RNF43: variants seen among roughly 807,000 people sequenced by gnomAD.
RNF43 encodes E3 ubiquitin-protein ligase RNF43.
RNF43 carries 37 observed loss-of-function variants against 78.4 expected under a neutral mutation model. The observed-to-expected ratio is 0.47, with a 90% CI of 0.36 to 0.62. The LOEUF is 0.62. Ranked by LOEUF, RNF43 falls within the 20% of genes least tolerant of loss-of-function variation. The pLI, the probability that RNF43 is intolerant of heterozygous loss-of-function variation, is 0.00. For synonymous variants in RNF43, 347 were observed against 395.0 expected, an observed-to-expected ratio of 0.88 and a Z score of 1.44; for missense variants, 774 against 1,007.9, an observed-to-expected ratio of 0.77 and a Z score of 3.14.
intron 3 of RNF43, among the ~76,000 whole-genome samples, chr17:58,369,115 T>C (rs1002003968): frequency 3.9e-5 from 6 of 152,110 alleles, no homozygotes; most frequent in African/African-American, 9.7e-5. Flanking sequence ...ACACTCACTA[T>C]GTAATGCAGT....
chr17:58,387,129 A>G (rs1266315891), intron 2 of RNF43, among the ~76,000 whole-genome samples: 1 of 152,118 alleles, frequency 6.6e-6, no homozygotes, highest in Non-Finnish European at 1.5e-5. Flanking sequence ...CACACTAAGC[A>G]CTCGTTAGAA....
rs1974110933 is a variant in RNF43 at position 58,415,781 on chromosome 17, T to C, written c.-204A>G. 5 of 607,922 alleles carry C rather than the reference T, an allele frequency of 8.2e-6. No homozygotes were observed. In the East Asian group the frequency reaches 1.4e-4, roughly 17 times the overall value. The allele number at this position is 607,922 out of a possible 1,614,324, so 37.7% of individuals were successfully genotyped here. A position where few individuals can be genotyped will look rare whatever the true frequency, so the allele number is the denominator to read the frequency against. On this transcript the variant is annotated 5_prime_UTR_variant, in exon 2 of 10. It adds an upstream start codon to the 5' untranslated region. Coordinates refer to ENST00000407977, the MANE Select transcript of RNF43 (RefSeq NM_017763.6). ...ATTCCTGATTGGGCAGAGAAGAGGATATTTTCAGCCCACATCTGCTGCAGG... is the reference window on the plus strand; with the variant it reads ...ATTCCTGATTGGGCAGAGAAGAGGACATTTTCAGCCCACATCTGCTGCAGG...
rs1327499684 is a variant in RNF43, at chr17:58,358,150, G to C, written c.1626C>G (p.Thr542=). The change falls in exon 9 of 10, where the codon ACC becomes ACG. Residue 542 remains threonine, a synonymous_variant. Coordinates refer to ENST00000407977, the MANE Select transcript of RNF43 (RefSeq NM_017763.6). The surrounding 1 kb of genome is among the most constrained non-coding windows in gnomAD (Gnocchi z 6.2). The stretch of plus-strand genomic sequence containing the variant: ...GGTAGTGGACATGGCTGGAAACCTG[G>C]GTTTCCCCTGTGGGCACCACCGAGT... ...SLDSVVPTGE[T]QVSSHVHYHR... The C allele has an allele frequency of 6.2e-7, 1 of 1,612,794 alleles. No homozygotes were observed. The highest frequency in any genetic ancestry group is 1.7e-5 in the Admixed American group (1 of 59,854).
intron 2 of RNF43, among the ~76,000 whole-genome samples, chr17:58,390,080 G>A (rs1973518731): frequency 6.6e-6 from 1 of 152,180 alleles, no homozygotes; most frequent in Non-Finnish European, 1.5e-5. Context: ...CTCAAGCTCT[G>A]CACTCTTTTA....
In RNF43 at chr17:58,358,737, C is replaced by T. The variant is rs780224400; in HGVS notation, c.1039G>A (p.Gly347Ser). 21 of 1,560,208 alleles carry T rather than the reference C, an allele frequency of 1.3e-5. No homozygotes were observed. In the African/African-American group the frequency reaches 2.0e-4, roughly 15 times the overall value. The change falls in exon 9 of 10, where the codon GGC (glycine) becomes AGC (serine). Residue 347 changes from glycine (G) to serine (S), a missense_variant. By Grantham distance (56) the Gly-to-Ser change is moderately conservative. Transcript: ENST00000407977. This position sits in a 1 kb window ranked among gnomAD's most constrained non-coding sequence, Gnocchi z 6.2. ...GCAGGGAGGTGGTAGTGGGCATGGC[C>T]GGGATGCTGGCGAATGAGGTGGAGT... ...RRLHLIRQHP[G>S]HAHYHLPAAY...
chr17:58,387,556 C>T (rs1973463928), intron 2 of RNF43, among the ~76,000 whole-genome samples: 1 of 151,702 alleles, frequency 6.6e-6, no homozygotes, highest in Admixed American at 6.6e-5. Context: ...GAGGCTGAGG[C>T]AGGAGAATCA....
intron 2 of RNF43, among the ~76,000 whole-genome samples, chr17:58,397,487 C>T (rs1375998505): frequency 2.0e-5 from 3 of 151,932 alleles, no homozygotes; most frequent in African/African-American, 7.3e-5. Flanking sequence ...ATGGTGAAAC[C>T]CTGTCTCTAC....
chr17:58,408,454 G>A (rs1293416991), intron 2 of RNF43, among the ~76,000 whole-genome samples: 1 of 152,126 alleles, frequency 6.6e-6, no homozygotes, highest in East Asian at 1.9e-4. Flanking sequence ...TCCTTTGGAT[G>A]CACGCTAATA....
At position 58,354,779 on chromosome 17, in the gene RNF43, CT is replaced by C; in HGVS notation, c.*163del. 4 of 683,410 alleles carry C rather than the reference CT, an allele frequency of 5.9e-6. No individual in the cohort carries two copies. Among genetic ancestry groups the C allele is most frequent in the South Asian group, 5.0e-5 (3 of 60,284 alleles). The allele number at this position is 683,410 out of a possible 1,614,324, so 42.3% of individuals were successfully genotyped here. A position where few individuals can be genotyped will look rare whatever the true frequency, so the allele number is the denominator to read the frequency against. On this transcript the variant is annotated 3_prime_UTR_variant, in exon 10 of 10. Transcript: ENST00000407977. ...GAGCTGGAGCAGGAAACGGCACCCT[CT>C]CACCCTCCACCATCACCAGTCCTCT... is the stretch of plus-strand genomic sequence containing the variant.
intron 5 of RNF43, 129 bp from the exon 6 acceptor site, chr17:58,362,777 T>C (rs762192440): frequency 9.4e-6 from 6 of 637,880 alleles, no homozygotes; most frequent in Non-Finnish European, 1.6e-5. Context: ...TCTGAGGGGA[T>C]GGAGAGGAAC....
chr17:58,401,700 A>T (rs1025235453), intron 2 of RNF43, among the ~76,000 whole-genome samples: 1 of 152,186 alleles, frequency 6.6e-6, no homozygotes, highest in African/African-American at 2.4e-5. Flanking sequence ...GAGAAATAAG[A>T]CTATGAAAAT....
At chr17:58,375,141 G>C (rs897150907) in intron 2 of RNF43, among the ~76,000 whole-genome samples, 1 of 152,004 alleles carries the variant, frequency 6.6e-6, no homozygotes, top group Non-Finnish European at 1.5e-5. Flanking sequence ...CCTATTTACC[G>C]AAATAACCTA....
intron 3 of RNF43, among the ~76,000 whole-genome samples, chr17:58,366,197 C>T (rs1042402551): frequency 2.0e-5 from 3 of 152,210 alleles, no homozygotes; most frequent in African/African-American, 7.2e-5. Flanking sequence ...AGCTTCCAGA[C>T]CTTTTTTCAC....
Position 58,354,181 on chromosome 17 carries a change from C to T in RNF43, c.*762G>A, listed in dbSNP as rs1478264282. ...CTACCTTCATTCCATCCTTCCTCTG[C>T]CCAGATAAAGTCCAGCAGAAATTCC... On this transcript the variant is annotated 3_prime_UTR_variant, in exon 10 of 10. Coordinates refer to ENST00000407977, the MANE Select transcript of RNF43 (RefSeq NM_017763.6). 2.0e-5 allele frequency: 4 copies of T among 203,810 alleles called. No homozygotes were observed. Among genetic ancestry groups the T allele is most frequent in the African/African-American group, 4.6e-5 (2 of 43,692 alleles). The allele number at this position is 203,810 out of a possible 1,614,324, so 12.6% of individuals were successfully genotyped here.
At position 58,357,952 on chromosome 17, in the gene RNF43, C is replaced by T. The variant is rs1192112461; in HGVS notation, c.1824G>A (p.Gly608=). 1 of 1,611,914 alleles carries T rather than the reference C, an allele frequency of 6.2e-7. No homozygotes were observed. ...TGGGGCACTGTGGGTTAGAGAGCCG[C>T]CCCGAAGGGGCTGCTGAGTTGGATC... ...VTRSNSAAPS[G]RLSNPQCPRA... is the part of the protein sequence containing the mutation. The change falls in exon 9 of 10, where the codon GGG becomes GGA. Residue 608 remains glycine, a synonymous_variant. Transcript: ENST00000407977. This position sits in a 1 kb window ranked among gnomAD's most constrained non-coding sequence, Gnocchi z 4.5.
intron 3 of RNF43, among the ~76,000 whole-genome samples, chr17:58,366,992 A>AT (rs60382535): frequency 0.17 from 20,299 of 122,776 alleles, 2,101 homozygotes; most frequent in East Asian, 0.24. Context: ...GGCCCGGCTA[A>AT]TTTTTTTTTT....
At chr17:58,392,006 C>G (rs765819483) in intron 2 of RNF43, among the ~76,000 whole-genome samples, 14 of 150,214 alleles carry the variant, frequency 9.3e-5, no homozygotes, top group Non-Finnish European at 1.8e-4. Context: ...AAACGACCCT[C>G]AAGATGAAAC....
rs970172591 is a variant in RNF43, at chr17:58,414,986, C to T, written c.252+340G>A. 3.3e-5 allele frequency among the ~76,000 whole-genome samples: 5 copies of T among 152,160 alleles called. No individual in the cohort carries two copies. In the South Asian group the frequency reaches 8.3e-4, roughly 25 times the overall value. On this transcript the variant is annotated intron_variant, in intron 2 of 9. Coordinates refer to ENST00000407977, the MANE Select transcript of RNF43 (RefSeq NM_017763.6). Reference sequence around the variant, plus strand: ...TAAACAGGATGTAAAATACAATCCTCGCATCAATTAAATATAAGCTCATAT... The same window carrying T: ...TAAACAGGATGTAAAATACAATCCTTGCATCAATTAAATATAAGCTCATAT...
intron 2 of RNF43, among the ~76,000 whole-genome samples, chr17:58,373,814 C>T (rs1466894797): frequency 6.6e-6 from 1 of 152,130 alleles, no homozygotes; most frequent in African/African-American, 2.4e-5. Context: ...CATCTCCCCA[C>T]TACCCCTATC....
Sources: allele counts gnomAD v4.1 joint callset (sites outside exome capture counted in the v4.1 genomes callset), GRCh38; gene constraint gnomAD v4.1.1; non-coding constraint Gnocchi (gnomAD v3.1); transcripts MANE v1.5; gene names NCBI Gene and HGNC (gene_info 2026-07-23, HGNC 2026-07-21).